The following OTOA variants were observed in gnomAD, a reference collection of about 807,000 sequenced individuals.
OTOA encodes cancer/testis antigen 108.
Under a neutral mutation model 110.8 loss-of-function variants are expected in OTOA, and 70 were observed. The observed-to-expected ratio is 0.63, with a 90% CI of 0.52 to 0.77. OTOA has a LOEUF of 0.77. Among genes scored for constraint, OTOA ranks in the 30% least tolerant of loss-of-function variants. The probability of loss-of-function intolerance (pLI) is 0.00; values close to 1 mark genes in which losing one functional copy is unlikely to be tolerated. For synonymous variants in OTOA, 373 were observed against 431.5 expected, an observed-to-expected ratio of 0.86 and a Z score of 1.68; for missense variants, 917 against 1,075.8, an observed-to-expected ratio of 0.85 and a Z score of 2.06.
intron 10 of OTOA, among the ~76,000 whole-genome samples, chr16:21,698,708 G>A (rs1429952480): frequency 6.6e-6 from 1 of 152,024 alleles, no homozygotes; most frequent in African/African-American, 2.4e-5. Context: ...TAGGGGGCTG[G>A]GAGTATTTCA....
chr16:21,685,153 G>A, intron 6 of OTOA, 77 bp from the exon 7 acceptor site: 5 of 1,575,884 alleles, frequency 3.2e-6, no homozygotes, highest in Non-Finnish European at 4.3e-6. Context: ...GGGCCGGGCT[G>A]GGCCGCTGGC....
intron 11 of OTOA, among the ~76,000 whole-genome samples, chr16:21,703,936 C>T (rs1793755470): frequency 6.6e-6 from 1 of 152,086 alleles, no homozygotes; most frequent in African/African-American, 2.4e-5. Flanking sequence ...CAAAGAAAAC[C>T]TCCCATTTAT....
intron 1 of OTOA, among the ~76,000 whole-genome samples, chr16:21,672,799 T>C (rs1966851129): frequency 6.6e-6 from 1 of 152,168 alleles, no homozygotes; most frequent in African/African-American, 2.4e-5. Flanking sequence ...AAACTATATA[T>C]TATTGTTAAC....
intron 12 of OTOA, among the ~76,000 whole-genome samples, chr16:21,708,577 T>G (rs1242776489): frequency 1.3e-5 from 2 of 152,166 alleles, no homozygotes; most frequent in African/African-American, 4.8e-5. Context: ...CTCCACACTT[T>G]GGGAGCTGCC....
chr16:21,717,195 G>A (rs150256700), intron 15 of OTOA, 148 bp downstream of exon 15: 24 of 1,215,950 alleles, frequency 2.0e-5, no homozygotes, highest in African/African-American at 1.2e-4. Flanking sequence ...TAAGAATTTG[G>A]ACAGGCTGAG....
chr16:21,709,765 C>T, intron 12 of OTOA, 123 bp from the exon 13 acceptor site: 1 of 881,856 alleles, frequency 1.1e-6, no homozygotes. Context: ...TTTCTGAGCC[C>T]AAAAGCTTTG....
rs963348134 is a variant in OTOA at position 21,685,318 on chromosome 16, G to A, written c.356G>A (p.Arg119His). The change falls in exon 7 of 29, where the codon CGC becomes CAC. Residue 119 changes from arginine (R) to histidine (H), a missense_variant. Coordinates refer to ENST00000646100, the MANE Select transcript of OTOA (RefSeq NM_144672.4). ...AGGAAGACAGACGCCCAGCAGTTCC[G>A]CACTGCCATGAAATGCCTCTTAGAA... Reference protein sequence around the residue: ...DLRKTDAQQFRTAMKCLLEDK... With the variant: ...DLRKTDAQQFHTAMKCLLEDK... 1.9e-6 allele frequency: 3 copies of A among 1,612,898 alleles called. No individual in the cohort carries two copies. The highest frequency in any genetic ancestry group is 2.5e-6 in the Non-Finnish European group (3 of 1,179,204).
At position 21,719,184 on chromosome 16, in the gene OTOA, C is replaced by A; in HGVS notation, c.1681C>A (p.Leu561Ile). 1 of 1,614,126 alleles carries A rather than the reference C, an allele frequency of 6.2e-7. No individual in the cohort carries two copies. Among genetic ancestry groups the A allele is most frequent in the Non-Finnish European group, 8.5e-7 (1 of 1,180,020 alleles). Residue 561 changes from leucine to isoleucine, a missense_variant, in exon 16 of 29, where the codon CTT becomes ATT. By Grantham distance (5) the Leu-to-Ile change is conservative. Coordinates refer to ENST00000646100, the MANE Select transcript of OTOA (RefSeq NM_144672.4). ...AAAGACCACCAGAAGGCCTGAGGAG[C>A]TTTTGAGGTAGGAAAATGTAACTCG... ...LLKTTRRPEELLSAGQLVKGV... is the reference protein window; with the variant it reads ...LLKTTRRPEEILSAGQLVKGV...
chr16:21,732,124 C>T (rs2141725167), intron 21 of OTOA, among the ~76,000 whole-genome samples: 1 of 152,030 alleles, frequency 6.6e-6, no homozygotes, highest in South Asian at 2.1e-4. Context: ...TGCCACTATG[C>T]CCAGCTAATT....
chr16:21,757,985 G>T (rs1333593687), intron 28 of OTOA, among the ~76,000 whole-genome samples: 3 of 152,042 alleles, frequency 2.0e-5, no homozygotes, highest in Non-Finnish European at 4.4e-5. Context: ...CGCAGTAGGG[G>T]CTGGGAATAC....
chr16:21,705,894 G>A (rs1348552894), intron 12 of OTOA, among the ~76,000 whole-genome samples: 10 of 151,796 alleles, frequency 6.6e-5, no homozygotes, highest in Non-Finnish European at 7.4e-5. Flanking sequence ...AGCTGAGATC[G>A]TGCCACTGCA....
At chr16:21,693,119 C>A (rs975079320) in intron 9 of OTOA, among the ~76,000 whole-genome samples, 1 of 151,880 alleles carries the variant, frequency 6.6e-6, no homozygotes, top group Admixed American at 6.6e-5. Flanking sequence ...AAAACAAAAG[C>A]CAGGTGTGGT....
In OTOA at chr16:21,716,895, C is replaced by G. The variant is rs767114707; in HGVS notation, c.1489-12C>G. 5.6e-6 allele frequency: 9 copies of G among 1,613,686 alleles called. No homozygotes were observed. In the South Asian group the frequency reaches 7.7e-5, roughly 14 times the overall value. Reference sequence around the variant, plus strand: ...TTTACAATGTTGTTTTGTTGCTTCTCGCTTCTGGCAGATGGTCCAAGCGGA... The same window carrying G: ...TTTACAATGTTGTTTTGTTGCTTCTGGCTTCTGGCAGATGGTCCAAGCGGA... On this transcript the variant is annotated splice_polypyrimidine_tract_variant and intron_variant, in intron 14 of 28. Transcript: ENST00000646100.
intron 1 of OTOA, among the ~76,000 whole-genome samples, chr16:21,675,113 CTTTT>C (rs1966855103): frequency 1.7e-5 from 2 of 118,932 alleles, no homozygotes; most frequent in Admixed American, 8.9e-5. Context: ...TTCTTTCTTT[CTTTT>C]TCTTTCTCTC....
intron 9 of OTOA, among the ~76,000 whole-genome samples, chr16:21,693,301 G>A (rs1466126872): frequency 1.3e-5 from 2 of 152,048 alleles, no homozygotes; most frequent in South Asian, 2.1e-4. Context: ...ACAAAACAGC[G>A]ATAGAAAAGA....
At chr16:21,688,953 G>C (rs1897775739) in intron 8 of OTOA, among the ~76,000 whole-genome samples, 1 of 152,164 alleles carries the variant, frequency 6.6e-6, no homozygotes, top group South Asian at 2.1e-4. Context: ...CTGAGACTTT[G>C]TTCTTGAGGG....
At chr16:21,702,869 T>A (rs1416382963) in intron 11 of OTOA, among the ~76,000 whole-genome samples, 1 of 152,118 alleles carries the variant, frequency 6.6e-6, no homozygotes, top group Non-Finnish European at 1.5e-5. Context: ...AGAGACGGGG[T>A]TTCACCATGT....
Position 21,717,047 on chromosome 16 carries a change from G to A in OTOA, c.1629G>A (p.Gln543=). The stretch of plus-strand genomic sequence containing the variant: ...AGGATAAGGAACTTGGAAGGAGCCA[G>A]GTATTACCATGAAACACAGATCGAT... ...VLKDKELGRS[Q]ALFLYELLLK... is the part of the protein sequence containing the mutation. The change falls in exon 15 of 29, where the codon CAG becomes CAA. Residue 543 remains glutamine (Q), a splice_region_variant and synonymous_variant. Transcript: ENST00000646100. 1 of 1,614,032 alleles carries A rather than the reference G, an allele frequency of 6.2e-7. No individual in the cohort carries two copies. The highest frequency in any genetic ancestry group is 8.5e-7 in the Non-Finnish European group (1 of 1,179,986).
Position 21,679,046 on chromosome 16 carries a change from T to C in OTOA, c.131T>C (p.Ile44Thr), listed in dbSNP as rs730882117. The part of the protein sequence containing the change: ...PLLQNMAEEI[I>T]DGSYLNALLD... ...CTCTTTGCCTTTTAGGAAGAAATAATAGATGGAAGCTATCTGAATGGTAAT... is the reference window on the plus strand; with the variant it reads ...CTCTTTGCCTTTTAGGAAGAAATAACAGATGGAAGCTATCTGAATGGTAAT... Residue 44 changes from isoleucine (I) to threonine (T), a missense_variant, in exon 4 of 29, where the codon ATA (isoleucine) becomes ACA (threonine). Physicochemically the swap from Ile to Thr is moderately conservative, Grantham distance 89 (BLOSUM62 -1). Around this residue, in one of 6 missense-constraint regions of OTOA, gnomAD observed 840 missense variants for 910.2 expected, o/e 0.92. Transcript: ENST00000646100. The C allele has an allele frequency of 1.7e-4, 271 of 1,613,980 alleles. No individual in the cohort carries two copies. The highest frequency in any genetic ancestry group is 2.2e-4 in the Non-Finnish European group (254 of 1,180,004).
Sources: gnomAD v4.1 joint callset for allele counts (sites outside exome capture counted in the v4.1 genomes callset) on GRCh38, gnomAD v4.1.1 for gene constraint, gnomAD v4.1.1 regional missense constraint, MANE v1.5 for transcripts, NCBI Gene and HGNC (gene_info 2026-07-23, HGNC 2026-07-21) for gene names.